Variants in SNTB1 observed in about 807,000 individuals in gnomAD.
SNTB1 encodes beta-1-syntrophin.
A neutral mutation model predicts 48.9 loss-of-function variants in SNTB1; 36 were observed. The ratio of observed to expected loss-of-function variants is 0.74; its 90% CI spans 0.56 to 0.97. The LOEUF is 0.97. SNTB1 is among the 50% of genes least tolerant of loss of function. SNTB1 has a pLI of 0.00. For synonymous variants in SNTB1, 299 were observed against 294.6 expected, an observed-to-expected ratio of 1.01 and a Z score of -0.15; for missense variants, 786 against 703.4, an observed-to-expected ratio of 1.12 and a Z score of -1.33.
chr8:120,575,109 G>A lies in SNTB1; in HGVS notation c.1113C>T (p.His371=), dbSNP rs116157159. Residue 371 remains histidine (H), a synonymous_variant, in exon 4 of 7, where the codon CAC becomes CAT. Coordinates refer to ENST00000517992, the MANE Select transcript of SNTB1 (RefSeq NM_021021.4). The stretch of plus-strand genomic sequence containing the variant: ...ACCTGGTGGCAAGAAGAGGGTATGT[G>A]TGAACTGGGCTGAACCAGGCTTCCT... ...RRKEAWFSPV[H]TYPLLATRLV... The A allele has an allele frequency of 3.1e-3, 4,949 of 1,614,148 alleles. 143 individuals are homozygous for A. In the African/African-American group the frequency reaches 0.06, roughly 19 times the overall value.
chr8:120,669,773 A>G (rs1563847148), intron 2 of SNTB1, among the ~76,000 whole-genome samples: 1 of 152,200 alleles, frequency 6.6e-6, no homozygotes, highest in Non-Finnish European at 1.5e-5. Flanking sequence ...TTAAACTGTA[A>G]TGGGATGAAT....
At chr8:120,651,032 G>C (rs962396689) in intron 2 of SNTB1, among the ~76,000 whole-genome samples, 3 of 152,142 alleles carry the variant, frequency 2.0e-5, no homozygotes, top group African/African-American at 7.2e-5. Context: ...TTATTGAAAC[G>C]ATGAAATGAA....
At chr8:120,622,231 T>C (rs1352627030) in intron 3 of SNTB1, among the ~76,000 whole-genome samples, 2 of 152,200 alleles carry the variant, frequency 1.3e-5, no homozygotes, top group African/African-American at 4.8e-5. Context: ...CGTAAAGATC[T>C]CTGTTTTCAC....
At chr8:120,741,194 T>C (rs1043938280) in intron 1 of SNTB1, among the ~76,000 whole-genome samples, 1 of 152,218 alleles carries the variant, frequency 6.6e-6, no homozygotes, top group African/African-American at 2.4e-5. Context: ...GAGATTCATG[T>C]CCAAATTTAC....
chr8:120,681,436 G>T (rs1304957877), intron 2 of SNTB1, among the ~76,000 whole-genome samples: 2 of 152,194 alleles, frequency 1.3e-5, no homozygotes, highest in African/African-American at 4.8e-5. Flanking sequence ...GCCACAAAGA[G>T]AATTCCATCC....
intron 1 of SNTB1, among the ~76,000 whole-genome samples, chr8:120,730,780 T>A (rs189180881): frequency 2.8e-4 from 43 of 152,222 alleles, no homozygotes; most frequent in African/African-American, 9.4e-4. Context: ...AAATAGTGTA[T>A]CTTTAGGGAG....
At chr8:120,550,396 G>A (rs1815459598) in intron 4 of SNTB1, among the ~76,000 whole-genome samples, 1 of 152,040 alleles carries the variant, frequency 6.6e-6, no homozygotes. Context: ...ACAAAAATTA[G>A]CCTGGCATGG....
At chr8:120,739,057 C>T (rs573774206) in intron 1 of SNTB1, among the ~76,000 whole-genome samples, 175 of 152,232 alleles carry the variant, frequency 1.1e-3, no homozygotes, top group Non-Finnish European at 1.6e-4. Context: ...ACAGTGGGAG[C>T]CAATGAGGTC....
At chr8:120,740,159 T>C (rs1296385048) in intron 1 of SNTB1, among the ~76,000 whole-genome samples, 5 of 152,192 alleles carry the variant, frequency 3.3e-5, no homozygotes, top group Admixed American at 3.3e-4. Context: ...ACCTCTTATA[T>C]ATTTGGCTGA....
chr8:120,604,188 G>A (rs1306766573), intron 3 of SNTB1, among the ~76,000 whole-genome samples: 1 of 152,202 alleles, frequency 6.6e-6, no homozygotes, highest in Admixed American at 6.5e-5. Flanking sequence ...GAATTGGAGA[G>A]CCATCAGAAA....
chr8:120,671,340 G>T (rs971135124), intron 2 of SNTB1, among the ~76,000 whole-genome samples: 2 of 152,202 alleles, frequency 1.3e-5, no homozygotes, highest in Admixed American at 1.3e-4. Flanking sequence ...AATTAGTTGA[G>T]ATGAAATCAT....
intron 1 of SNTB1, among the ~76,000 whole-genome samples, chr8:120,739,351 G>A (rs939010209): frequency 2.6e-5 from 4 of 152,180 alleles, no homozygotes; most frequent in African/African-American, 2.4e-5. Context: ...GTGGAAACGA[G>A]CTAGCCTAAT....
At chr8:120,572,011 C>A (rs1167821739) in intron 4 of SNTB1, among the ~76,000 whole-genome samples, 2 of 152,106 alleles carry the variant, frequency 1.3e-5, no homozygotes, top group Non-Finnish European at 2.9e-5. Flanking sequence ...CCGGCCCCAC[C>A]CCCGCTGCTG....
At chr8:120,706,865 T>C (rs1454296515) in intron 1 of SNTB1, among the ~76,000 whole-genome samples, 1 of 152,048 alleles carries the variant, frequency 6.6e-6, no homozygotes, top group East Asian at 1.9e-4. Context: ...AAGCCCAGAG[T>C]CATAAAGCTT....
At chr8:120,747,452 G>A (rs367961406) in intron 1 of SNTB1, among the ~76,000 whole-genome samples, 14 of 152,144 alleles carry the variant, frequency 9.2e-5, no homozygotes, top group Middle Eastern at 3.4e-3. Context: ...CACCATGCCC[G>A]GCTCATTTTT....
intron 1 of SNTB1, among the ~76,000 whole-genome samples, chr8:120,799,669 G>A (rs150412098): frequency 1.4e-4 from 21 of 152,062 alleles, no homozygotes; most frequent in African/African-American, 4.3e-4. Flanking sequence ...AGAGTCCAAT[G>A]TTCAGTTAAT....
At chr8:120,789,157 G>A (rs1225577639) in intron 1 of SNTB1, among the ~76,000 whole-genome samples, 9 of 151,858 alleles carry the variant, frequency 5.9e-5, no homozygotes, top group African/African-American at 1.4e-4. Context: ...TTTTAACAAC[G>A]AAATAAAGAT....
At chr8:120,646,452 A>T (rs1179205588) in intron 2 of SNTB1, among the ~76,000 whole-genome samples, 2 of 150,376 alleles carry the variant, frequency 1.3e-5, no homozygotes, top group East Asian at 3.9e-4. Flanking sequence ...GCTCTGTTTA[A>T]ATGCTGGATT....
At chr8:120,646,581 G>A (rs1223085856) in intron 2 of SNTB1, among the ~76,000 whole-genome samples, 2 of 151,592 alleles carry the variant, frequency 1.3e-5, no homozygotes, top group African/African-American at 2.4e-5. Flanking sequence ...ATTTTATTGA[G>A]GATTTTTGCA....
Sources: gnomAD v4.1 joint callset for allele counts (sites outside exome capture counted in the v4.1 genomes callset) on GRCh38, gnomAD v4.1.1 for gene constraint, MANE v1.5 for transcripts, NCBI Gene and HGNC (gene_info 2026-07-23, HGNC 2026-07-21) for gene names.